Variants in SPTLC3 observed in about 807,000 individuals in gnomAD.
The protein encoded by SPTLC3 is serine palmitoyltransferase 3.
Under a neutral mutation model 59.3 loss-of-function variants are expected in SPTLC3, and 36 were observed. The ratio of observed to expected loss-of-function variants is 0.61; its 90% CI spans 0.47 to 0.80. The LOEUF (loss-of-function observed/expected upper bound fraction) is 0.80, where lower values mean the gene tolerates loss of function less well. Ranked by LOEUF, SPTLC3 falls within the 30% of genes least tolerant of loss-of-function variation. The pLI, the probability that SPTLC3 is intolerant of heterozygous loss-of-function variation, is 0.00. For synonymous variants in SPTLC3, 257 were observed against 240.8 expected, an observed-to-expected ratio of 1.07 and a Z score of -0.62; for missense variants, 625 against 685.1, an observed-to-expected ratio of 0.91 and a Z score of 0.98.
At chr20:13,098,106 G>C (rs982145404) in intron 6 of SPTLC3, among the ~76,000 whole-genome samples, 19 of 152,162 alleles carry the variant, frequency 1.2e-4, no homozygotes, top group Admixed American at 4.6e-4. Flanking sequence ...CTACGCAACA[G>C]AGACTGTATG....
At chr20:13,043,678 A>C (rs4814185) in intron 1 of SPTLC3, among the ~76,000 whole-genome samples, 18,845 of 152,140 alleles carry the variant, frequency 0.12, 1,242 homozygotes, top group Middle Eastern at 0.21. Context: ...AATTATGCTT[A>C]ATCTATTAAA....
At chr20:13,030,142 A>G (rs1986363211) in intron 1 of SPTLC3, among the ~76,000 whole-genome samples, 1 of 152,194 alleles carries the variant, frequency 6.6e-6, no homozygotes, top group Admixed American at 6.5e-5. Flanking sequence ...CAGGAGCCCC[A>G]CCCTCATAAT....
chr20:13,144,343 A>T (rs1010189734), intron 9 of SPTLC3, among the ~76,000 whole-genome samples: 1 of 152,256 alleles, frequency 6.6e-6, no homozygotes, highest in Non-Finnish European at 1.5e-5. Flanking sequence ...TGAACACAAC[A>T]GCCACTTACA....
chr20:13,077,146 G>C (rs961669773), intron 4 of SPTLC3, among the ~76,000 whole-genome samples: 5 of 151,926 alleles, frequency 3.3e-5, no homozygotes, highest in African/African-American at 1.2e-4. Context: ...ATGGTAATAG[G>C]AGACAATAAG....
intron 9 of SPTLC3, among the ~76,000 whole-genome samples, chr20:13,128,685 G>T (rs1430043323): frequency 6.6e-6 from 1 of 151,698 alleles, no homozygotes; most frequent in African/African-American, 2.4e-5. Flanking sequence ...GTTCTTTTTT[G>T]TTTTTTGGGT....
intron 10 of SPTLC3, among the ~76,000 whole-genome samples, chr20:13,154,579 G>A (rs996883623): frequency 3.9e-5 from 6 of 152,142 alleles, no homozygotes; most frequent in South Asian, 2.1e-4. Flanking sequence ...CATTTCAAGC[G>A]TGGGGAAGCT....
rs1404284547 is a variant in SPTLC3 at position 13,117,622 on chromosome 20, G to T, written c.1049G>T (p.Gly350Val). 1 of 1,614,100 alleles carries T rather than the reference G, an allele frequency of 6.2e-7. No individual in the cohort carries two copies. Among genetic ancestry groups the T allele is most frequent in the Non-Finnish European group, 8.5e-7 (1 of 1,179,964 alleles). ...SIGAVGPTGR[G>V]VTEFFGLDPH... ...GGGGCCGTGGGCCCAACCGGCCGGG[G>T]TGTCACGGAGTTCTTTGGACTAGAC... The change falls in exon 8 of 12, where the codon GGT (glycine) becomes GTT (valine). Residue 350 changes from glycine (G) to valine (V), a missense_variant. Physicochemically the swap from Gly to Val is moderately radical, Grantham distance 109. Coordinates refer to ENST00000399002, the MANE Select transcript of SPTLC3 (RefSeq NM_018327.4).
intron 1 of SPTLC3, 82 bp from the exon 2 acceptor site, chr20:13,048,863 G>C (rs185729164): frequency 8.1e-7 from 1 of 1,234,046 alleles, no homozygotes; most frequent in East Asian, 2.6e-5. Flanking sequence ...GAATTCAAAG[G>C]GTTGAAAGTT....
At chr20:13,130,958 T>G (rs1484332410) in intron 9 of SPTLC3, among the ~76,000 whole-genome samples, 1 of 152,200 alleles carries the variant, frequency 6.6e-6, no homozygotes, top group Non-Finnish European at 1.5e-5. Flanking sequence ...GTTTATCTCA[T>G]AGGACTGGGA....
chr20:13,127,679 C>T (rs891156260), intron 9 of SPTLC3, among the ~76,000 whole-genome samples: 1 of 152,132 alleles, frequency 6.6e-6, no homozygotes, highest in Non-Finnish European at 1.5e-5. Flanking sequence ...ACTGATACCC[C>T]CTGGGGCCCT....
chr20:13,060,977 G>C (rs1167812852), intron 2 of SPTLC3, among the ~76,000 whole-genome samples: 1 of 152,134 alleles, frequency 6.6e-6, no homozygotes, highest in Non-Finnish European at 1.5e-5. Flanking sequence ...ATACCCAGTA[G>C]TGGGATTGCT....
chr20:13,120,532 T>A (rs1010877649), intron 8 of SPTLC3, among the ~76,000 whole-genome samples: 3 of 152,202 alleles, frequency 2.0e-5, no homozygotes, highest in African/African-American at 7.2e-5. Flanking sequence ...ACTCTCTTTT[T>A]AAGTGATGTT....
chr20:13,110,853 A>G (rs1386499012), intron 7 of SPTLC3, among the ~76,000 whole-genome samples: 4 of 152,140 alleles, frequency 2.6e-5, no homozygotes, highest in Non-Finnish European at 5.9e-5. Context: ...TGAGGGGGAT[A>G]TCTCCTATAA....
In SPTLC3 at chr20:13,009,191, C is replaced by A; in HGVS notation, c.-77C>A. On this transcript the variant is annotated 5_prime_UTR_variant, in exon 1 of 12. Coordinates refer to ENST00000399002, the MANE Select transcript of SPTLC3 (RefSeq NM_018327.4). The stretch of plus-strand genomic sequence containing the variant: ...TCAGCCCCAAAGAGCTTTATCCCAT[C>A]CCCTCGCAGACTGAAAACTAAAGCC... The A allele has an allele frequency of 8.7e-7, 1 of 1,144,102 alleles. No individual in the cohort carries two copies. 70.9% of individuals were successfully genotyped at this position (1,144,102 alleles called of 1,614,324 possible).
chr20:13,055,651 A>T (rs1987691010), intron 2 of SPTLC3, among the ~76,000 whole-genome samples: 1 of 152,186 alleles, frequency 6.6e-6, no homozygotes, highest in Non-Finnish European at 1.5e-5. Context: ...TTGTTTATCT[A>T]AAGCAATTTC....
At position 13,168,886 on chromosome 20, in the gene SPTLC3, T is replaced by A. The variant is rs2039016456; in HGVS notation, c.*4019T>A. The A allele has an allele frequency of 6.6e-6, 1 of 152,124 alleles. No individual in the cohort carries two copies. Among genetic ancestry groups the A allele is most frequent in the South Asian group, 2.1e-4 (1 of 4,830 alleles). The allele number at this position is 152,124 out of a possible 1,614,324, so 9.4% of individuals were successfully genotyped here. On this transcript the variant is annotated 3_prime_UTR_variant, in exon 12 of 12. Transcript: ENST00000399002. ...TTAGAAAATTAAAGAGTCTGTATTT[T>A]AAATATTTTTAGGTAATTATTGCGG...
At chr20:13,143,438 A>T (rs1344216557) in intron 9 of SPTLC3, among the ~76,000 whole-genome samples, 1 of 152,168 alleles carries the variant, frequency 6.6e-6, no homozygotes, top group Non-Finnish European at 1.5e-5. Flanking sequence ...TGCAGTGGGC[A>T]TTATTATTAT....
intron 10 of SPTLC3, among the ~76,000 whole-genome samples, chr20:13,158,827 A>G (rs2038831843): frequency 6.6e-6 from 1 of 152,238 alleles, no homozygotes. Context: ...AGACTGCTCA[A>G]CAGCAAAACA....
chr20:13,074,174 C>T, intron 3 of SPTLC3, 175 bp from the exon 4 acceptor site: 1 of 862,586 alleles, frequency 1.2e-6, no homozygotes, highest in South Asian at 1.4e-5. Context: ...ACCTCTAGGA[C>T]AGACTGAACC....
Sources: gnomAD v4.1 joint callset for allele counts (sites outside exome capture counted in the v4.1 genomes callset) on GRCh38, gnomAD v4.1.1 for gene constraint, MANE v1.5 for transcripts, NCBI Gene and HGNC (gene_info 2026-07-23, HGNC 2026-07-21) for gene names.